The following SMARCAL1 variants were observed in gnomAD, a reference collection of about 807,000 sequenced individuals.
The protein encoded by SMARCAL1 is ATP-driven annealing helicase.
A neutral mutation model predicts 94.5 loss-of-function variants in SMARCAL1; 58 were observed. The ratio of observed to expected loss-of-function variants is 0.61; its 90% CI spans 0.50 to 0.76. The LOEUF (loss-of-function observed/expected upper bound fraction) is 0.76, where lower values mean the gene tolerates loss of function less well. Ranked by LOEUF, SMARCAL1 falls within the 30% of genes least tolerant of loss-of-function variation. The pLI is 0.00. For synonymous variants in SMARCAL1, 422 were observed against 455.1 expected (o/e 0.93, Z 0.93); for missense variants, 1,051 against 1,177.9 (o/e 0.89, Z 1.58).
intron 12 of SMARCAL1, 115 bp from the exon 13 acceptor site, chr2:216,464,482 G>C: frequency 1.2e-6 from 1 of 831,128 alleles, no homozygotes; most frequent in South Asian, 1.3e-5. Flanking sequence ...AGGGTCTCCT[G>C]ACTCTGGTGA....
At position 216,447,082 on chromosome 2, in the gene SMARCAL1, C is replaced by G. The variant is rs199876834; in HGVS notation, c.1775C>G (p.Thr592Arg). The G allele has an allele frequency of 6.2e-6, 10 of 1,613,922 alleles. No homozygotes were observed. Among genetic ancestry groups the G allele is most frequent in the Non-Finnish European group, 8.5e-6 (10 of 1,180,018 alleles). ...PAMSRPAELY[T>R]QIIAVKPTFF... Reference sequence around the variant, plus strand: ...ATGTCCCGGCCCGCAGAGCTCTACACGCAGATCATCGCAGTCAAGCCAACT... The same window carrying G: ...ATGTCCCGGCCCGCAGAGCTCTACAGGCAGATCATCGCAGTCAAGCCAACT... Residue 592 changes from threonine to arginine, a missense_variant, in exon 11 of 18, where the codon ACG becomes AGG. Coordinates refer to ENST00000357276, the MANE Select transcript of SMARCAL1 (RefSeq NM_014140.4).
intron 5 of SMARCAL1, among the ~76,000 whole-genome samples, chr2:216,423,121 A>C (rs769397475): frequency 3.3e-5 from 5 of 152,234 alleles, no homozygotes; most frequent in Non-Finnish European, 7.3e-5. Context: ...CCAAGGTGAC[A>C]TAGCTAGCAA....
chr2:216,478,384 AT>A (rs1241302767), intron 17 of SMARCAL1, 85 bp downstream of exon 17: 6 of 1,032,754 alleles, frequency 5.8e-6, no homozygotes, highest in Non-Finnish European at 1.5e-6. Flanking sequence ...GAGTAGGAGG[AT>A]GTGAATCACT....
intron 12 of SMARCAL1, among the ~76,000 whole-genome samples, chr2:216,457,447 C>T (rs1694593969): frequency 6.6e-6 from 1 of 152,204 alleles, no homozygotes; most frequent in Non-Finnish European, 1.5e-5. Flanking sequence ...AAGTAAAGCA[C>T]TCCTCAGCAA....
chr2:216,465,294 T>C (rs1281525350), intron 13 of SMARCAL1, among the ~76,000 whole-genome samples: 1 of 152,176 alleles, frequency 6.6e-6, no homozygotes, highest in Non-Finnish European at 1.5e-5. Flanking sequence ...CTGGAGCTGC[T>C]GCTCGTTAAA....
chr2:216,464,548 A>G (rs960011310), intron 12 of SMARCAL1, 49 bp from the exon 13 acceptor site: 1 of 1,345,016 alleles, frequency 7.4e-7, no homozygotes. Context: ...CACTCATCCC[A>G]GAGTTCTCAG....
intron 4 of SMARCAL1, among the ~76,000 whole-genome samples, chr2:216,417,176 G>A (rs3770491): frequency 0.055 from 8,350 of 152,292 alleles, 482 homozygotes; most frequent in East Asian, 0.16. Flanking sequence ...ACAGTTTCTG[G>A]GAAAGGTGGT....
At chr2:216,469,758 G>A (rs1051590022) in intron 14 of SMARCAL1, among the ~76,000 whole-genome samples, 18 of 152,090 alleles carry the variant, frequency 1.2e-4, no homozygotes, top group African/African-American at 4.3e-4. Context: ...GCATGCTCTT[G>A]CATGGTTATT....
chr2:216,479,096 C>G (rs1172684615), intron 17 of SMARCAL1: 1 of 152,412 alleles, frequency 6.6e-6, no homozygotes, highest in African/African-American at 2.4e-5. Flanking sequence ...TTTTCCTTCC[C>G]CAGCTTGGAT....
chr2:216,425,323 G>A (rs906875905), intron 6 of SMARCAL1, among the ~76,000 whole-genome samples: 4 of 152,234 alleles, frequency 2.6e-5, no homozygotes, highest in African/African-American at 9.6e-5. Context: ...GCTGCAGCTG[G>A]ACTAGGCATA....
chr2:216,461,990 C>T (rs1049799086), intron 12 of SMARCAL1, among the ~76,000 whole-genome samples: 1 of 152,126 alleles, frequency 6.6e-6, no homozygotes, highest in African/African-American at 2.4e-5. Flanking sequence ...GAAATTTGTG[C>T]ACATGCAATT....
At chr2:216,455,401 C>T (rs1055594905) in intron 12 of SMARCAL1, among the ~76,000 whole-genome samples, 2 of 152,242 alleles carry the variant, frequency 1.3e-5, no homozygotes, top group African/African-American at 4.8e-5. Flanking sequence ...TAGACTGCCT[C>T]CTCAAGTGGG....
chr2:216,475,405 C>A lies in SMARCAL1; in HGVS notation c.2381C>A (p.Ser794Tyr). The A allele has an allele frequency of 6.2e-7, 1 of 1,614,218 alleles. No homozygotes were observed. The highest frequency in any genetic ancestry group is 2.2e-5 in the East Asian group (1 of 44,884). ...GCTGCCAATATGGGCCTCACCTTCT[C>A]CTCGGCTGACCTGGTGGTGTTTGCT... ...ITAANMGLTF[S>Y]SADLVVFAEL... The change falls in exon 15 of 18, where the codon TCC becomes TAC. Residue 794 changes from serine to tyrosine, a missense_variant. Transcript: ENST00000357276. The surrounding 1 kb of genome is among the most constrained non-coding windows in gnomAD (Gnocchi z 4.4).
chr2:216,453,197 A>G (rs982624823), intron 12 of SMARCAL1, among the ~76,000 whole-genome samples: 2 of 152,142 alleles, frequency 1.3e-5, no homozygotes, highest in African/African-American at 4.8e-5. Context: ...AAGAGCCCGG[A>G]GCTCTTCTCA....
chr2:216,418,119 A>G (rs1054363355), intron 4 of SMARCAL1, among the ~76,000 whole-genome samples: 2 of 151,978 alleles, frequency 1.3e-5, no homozygotes, highest in African/African-American at 4.8e-5. Context: ...GGCTTCCTCC[A>G]TGTTGGCCAG....
chr2:216,416,183 A>C (rs1381087225), intron 3 of SMARCAL1, 74 bp from the exon 4 acceptor site: 1 of 1,301,650 alleles, frequency 7.7e-7, no homozygotes, highest in African/African-American at 1.5e-5. Context: ...TCATTCATTC[A>C]TTTAGAAGAC....
chr2:216,464,688 G>C, intron 13 of SMARCAL1, 21 bp downstream of exon 13: 2 of 1,501,994 alleles, frequency 1.3e-6, no homozygotes, highest in East Asian at 2.3e-5. Context: ...ACTAAGTGTC[G>C]ACCTCTCTCT....
intron 12 of SMARCAL1, among the ~76,000 whole-genome samples, chr2:216,457,108 G>T (rs1247065287): frequency 2.1e-5 from 3 of 144,360 alleles, no homozygotes; most frequent in Non-Finnish European, 3.0e-5. Context: ...TTACATAATG[G>T]TAAAGGGATC....
intron 14 of SMARCAL1, among the ~76,000 whole-genome samples, chr2:216,469,506 G>A (rs1276056712): frequency 6.6e-6 from 1 of 151,716 alleles, no homozygotes; most frequent in Non-Finnish European, 1.5e-5. Context: ...GGATGGTCTC[G>A]ATCTCCTGAC....
Sources: allele counts gnomAD v4.1 joint callset (sites outside exome capture counted in the v4.1 genomes callset), GRCh38; gene constraint gnomAD v4.1.1; non-coding constraint Gnocchi (gnomAD v3.1); transcripts MANE v1.5; gene names NCBI Gene and HGNC (gene_info 2026-07-23, HGNC 2026-07-21).